The following STAU1 variants were observed in gnomAD, a reference collection of about 807,000 sequenced individuals.
The protein encoded by STAU1 is staufen double-stranded RNA binding protein 1, also known as double-stranded RNA-binding protein Staufen homolog 1.
Under a neutral mutation model 62.9 loss-of-function variants are expected in STAU1, and 13 were observed. That is an observed-to-expected ratio of 0.21 (90% CI 0.13 to 0.33). STAU1 has a LOEUF of 0.33. Ranked by LOEUF, STAU1 falls within the 10% of genes least tolerant of loss-of-function variation. The pLI, the probability that STAU1 is intolerant of heterozygous loss-of-function variation, is 1.00. For synonymous variants in STAU1, 269 were observed against 265.1 expected (o/e 1.01, Z -0.14); for missense variants, 571 against 712.1 (o/e 0.80, Z 2.25).
At chr20:49,153,239 G>T (rs1222804494) in intron 4 of STAU1, among the ~76,000 whole-genome samples, 3 of 129,352 alleles carry the variant, frequency 2.3e-5, no homozygotes, top group Non-Finnish European at 4.7e-5. Flanking sequence ...AACAGAGCGA[G>T]ACTCCGTCTC....
the STAU1 span, among the ~76,000 whole-genome samples, chr20:49,193,973 GA>G: frequency 0.87 from 128,559 of 147,918 alleles, 56,363 homozygotes; most frequent in Non-Finnish European, 0.93. Context: ...TCAGAAAAAA[GA>G]AAAAAAAAAA....
Position 49,123,123 on chromosome 20 carries a change from C to G in STAU1, c.935G>C (p.Gly312Ala), listed in dbSNP as rs771766932. The G allele has an allele frequency of 1.5e-5, 24 of 1,612,658 alleles. No individual in the cohort carries two copies. Among genetic ancestry groups the G allele is most frequent in the Non-Finnish European group, 2.0e-5 (24 of 1,179,318 alleles). The change falls in exon 8 of 14, where the codon GGC becomes GCC. Residue 312 changes from glycine (G) to alanine (A), a missense_variant. Gly to Ala is a moderately conservative substitution (Grantham distance 60). Coordinates refer to ENST00000371856, the MANE Select transcript of STAU1 (RefSeq NM_017453.4). The stretch of plus-strand genomic sequence containing the variant: ...CACAAACTCCCTGCGGCGCGGGAGG[C>G]CTCGCTCTGTGAGGAGCGTGTACTC... ...EPEYTLLTER[G>A]LPRRREFVMQ...
At chr20:49,182,731 C>A (rs920774610) in intron 1 of STAU1, among the ~76,000 whole-genome samples, 2 of 151,196 alleles carry the variant, frequency 1.3e-5, no homozygotes, top group African/African-American at 4.9e-5. Flanking sequence ...CCCAGCTACT[C>A]GAGAGGCTGA....
At chr20:49,135,044 G>A in intron 6 of STAU1, 2 of 1,486,016 alleles carry the variant, frequency 1.3e-6, no homozygotes, top group South Asian at 2.3e-5. Context: ...GCCATCTCCA[G>A]AGCCCTGGGC....
intron 2 of STAU1, among the ~76,000 whole-genome samples, chr20:49,170,783 G>GA (rs1483158674): frequency 7.5e-6 from 1 of 132,756 alleles, no homozygotes; most frequent in Non-Finnish European, 1.7e-5. Flanking sequence ...AGATGTGTCT[G>GA]GGAAAAAAAA....
chr20:49,197,264 A>G, the STAU1 span, among the ~76,000 whole-genome samples: 1 of 148,376 alleles, frequency 6.7e-6, no homozygotes, highest in African/African-American at 2.5e-5. Context: ...GTAGTTAAGA[A>G]AAAAAAAAAA....
intron 3 of STAU1, among the ~76,000 whole-genome samples, chr20:49,164,386 G>C (rs1167797535): frequency 6.6e-6 from 1 of 150,998 alleles, no homozygotes; most frequent in Non-Finnish European, 1.5e-5. Context: ...TGGCAGCCTC[G>C]ACCTCCTGGA....
upstream of STAU1, among the ~76,000 whole-genome samples, chr20:49,191,079 G>A (rs2093830649): frequency 1.3e-5 from 2 of 150,830 alleles, no homozygotes; most frequent in Non-Finnish European, 2.9e-5. Context: ...CCAGGCTAAA[G>A]TGCAGTGGCG....
At chr20:49,135,561 A>C (rs1359540693) in intron 6 of STAU1, among the ~76,000 whole-genome samples, 2 of 152,222 alleles carry the variant, frequency 1.3e-5, no homozygotes, top group Non-Finnish European at 2.9e-5. Context: ...ACATATGAAC[A>C]CTAACACAAC....
chr20:49,142,973 A>G (rs551259007), intron 5 of STAU1, among the ~76,000 whole-genome samples: 3 of 151,996 alleles, frequency 2.0e-5, no homozygotes, highest in South Asian at 4.2e-4. Context: ...GTTTTTTCAA[A>G]TATTTTTGGT....
chr20:49,157,050 T>A (rs1468858122), intron 3 of STAU1, among the ~76,000 whole-genome samples: 1 of 151,852 alleles, frequency 6.6e-6, no homozygotes, highest in Non-Finnish European at 1.5e-5. Context: ...CTAATTTCTG[T>A]ACTTTTAGTA....
At chr20:49,182,239 A>G (rs1301429292) in intron 1 of STAU1, among the ~76,000 whole-genome samples, 1 of 152,238 alleles carries the variant, frequency 6.6e-6, no homozygotes, top group Non-Finnish European at 1.5e-5. Context: ...GACATAAATC[A>G]CTGTTACATC....
chr20:49,216,481 T>A, the STAU1 span, among the ~76,000 whole-genome samples: 1 of 151,800 alleles, frequency 6.6e-6, no homozygotes, highest in African/African-American at 2.4e-5. Flanking sequence ...TGAGCCGAGA[T>A]CATGCCACTG....
Position 49,166,279 on chromosome 20 carries a change from G to C in STAU1, c.-78C>G. The C allele has an allele frequency of 7.6e-7, 1 of 1,309,114 alleles. No homozygotes were observed. 81.1% of individuals were successfully genotyped at this position (1,309,114 alleles called of 1,614,324 possible). On this transcript the variant is annotated 5_prime_UTR_variant, in exon 3 of 14. Transcript: ENST00000371856. ...TTAATTCAGTGCTATGAAGTCTAAA[G>C]TTCTACCTAAAAGTTGTAAGGGAAA...
At chr20:49,126,435 G>A (rs1000703865) in intron 6 of STAU1, among the ~76,000 whole-genome samples, 32 of 151,132 alleles carry the variant, frequency 2.1e-4, no homozygotes, top group Non-Finnish European at 4.1e-4. Context: ...GTGGTAGTGT[G>A]CCCCTGTATG....
chr20:49,161,375 T>C (rs752093289), intron 3 of STAU1, among the ~76,000 whole-genome samples: 8 of 152,120 alleles, frequency 5.3e-5, no homozygotes, highest in South Asian at 2.1e-4. Context: ...CTTTGACCCA[T>C]TGGCAAGGAT....
At chr20:49,196,308 C>T in the STAU1 span, among the ~76,000 whole-genome samples, 1 of 151,130 alleles carries the variant, frequency 6.6e-6, no homozygotes, top group African/African-American at 2.4e-5. Context: ...AGGTGGCGGG[C>T]GCCTGTAGTC....
chr20:49,207,927 C>T, the STAU1 span, among the ~76,000 whole-genome samples: 1 of 150,952 alleles, frequency 6.6e-6, no homozygotes, highest in Non-Finnish European at 1.5e-5. Flanking sequence ...GTCACCCAGG[C>T]TGGAGTGCGG....
In STAU1 at chr20:49,115,876, G is replaced by A; in HGVS notation, c.1633-9C>T. ...AAGATGTTCAGCGCAGCCTAGTGGGGATGGAAAGAAGGGTAAAGCCACAGC... is the reference window on the plus strand; with the variant it reads ...AAGATGTTCAGCGCAGCCTAGTGGGAATGGAAAGAAGGGTAAAGCCACAGC... On this transcript the variant is annotated splice_polypyrimidine_tract_variant and intron_variant, in intron 12 of 13. Coordinates refer to ENST00000371856, the MANE Select transcript of STAU1 (RefSeq NM_017453.4). The A allele has an allele frequency of 3.1e-6, 5 of 1,613,692 alleles. No homozygotes were observed. The highest frequency in any genetic ancestry group is 4.2e-6 in the Non-Finnish European group (5 of 1,179,670).
Sources: gnomAD v4.1 joint callset for allele counts (sites outside exome capture counted in the v4.1 genomes callset) on GRCh38, gnomAD v4.1.1 for gene constraint, MANE v1.5 for transcripts, NCBI Gene and HGNC (gene_info 2026-07-23, HGNC 2026-07-21) for gene names.